The following ZFYVE28 variants were observed in gnomAD, a reference collection of about 807,000 sequenced individuals.
ZFYVE28 encodes lateral signaling target protein 2 homolog.
A neutral mutation model predicts 82.1 loss-of-function variants in ZFYVE28; 40 were observed. That is an observed-to-expected ratio of 0.49 (90% CI 0.38 to 0.63). The LOEUF is 0.63. Among genes scored for constraint, ZFYVE28 ranks in the 30% least tolerant of loss-of-function variants. The pLI, the probability that ZFYVE28 is intolerant of heterozygous loss-of-function variation, is 0.00. For synonymous variants in ZFYVE28, 612 were observed against 546.1 expected (o/e 1.12, Z -1.68); for missense variants, 1,321 against 1,242.1 (o/e 1.06, Z -0.96).
chr4:2,408,572 G>T lies in ZFYVE28; in HGVS notation c.39+9713C>A, dbSNP rs117439397. The stretch of plus-strand genomic sequence containing the variant: ...GCTGACCCTTCCCAACTGAAGCTCC[G>T]CCCAGTTGGGCCCCGCCCAGGTAAG... On this transcript the variant is annotated intron_variant, in intron 1 of 12. Coordinates refer to ENST00000290974, the MANE Select transcript of ZFYVE28 (RefSeq NM_020972.3). The surrounding 1 kb of genome is among the most constrained non-coding windows in gnomAD (Gnocchi z 4.3). Among the ~76,000 whole-genome samples the T allele has an allele frequency of 6.6e-6, 1 of 152,162 alleles. No individual in the cohort carries two copies. Among genetic ancestry groups the T allele is most frequent in the Non-Finnish European group, 1.5e-5 (1 of 68,012 alleles).
chr4:2,408,721 A>G lies in ZFYVE28; in HGVS notation c.39+9564T>C, dbSNP rs1346810318. ...GCCTAGATGATGAAGCCCCGCCCAG[A>G]TGCCACCCCGCCCAGATGCAGCCCT... On this transcript the variant is annotated intron_variant, in intron 1 of 12. Transcript: ENST00000290974. The surrounding 1 kb of genome is among the most constrained non-coding windows in gnomAD (Gnocchi z 4.3). 6.6e-6 allele frequency among the ~76,000 whole-genome samples: 1 copy of G among 151,844 alleles called. No homozygotes were observed. The highest frequency in any genetic ancestry group is 1.5e-5 in the Non-Finnish European group (1 of 67,946).
chr4:2,368,038 C>G (rs1192894485), intron 1 of ZFYVE28, among the ~76,000 whole-genome samples: 1 of 151,998 alleles, frequency 6.6e-6, no homozygotes, highest in Non-Finnish European at 1.5e-5. Context: ...GCAATCATTG[C>G]TTTCTGAAAC....
chr4:2,356,948 G>A (rs1215183218), intron 1 of ZFYVE28, among the ~76,000 whole-genome samples: 1 of 152,112 alleles, frequency 6.6e-6, no homozygotes, highest in Non-Finnish European at 1.5e-5. Context: ...TGCTGCCCAG[G>A]CTGGTGTGAT....
intron 1 of ZFYVE28, among the ~76,000 whole-genome samples, chr4:2,413,925 G>A (rs192639005): frequency 1.4e-3 from 208 of 152,254 alleles, no homozygotes; most frequent in African/African-American, 5.0e-3. Flanking sequence ...TATACTTCTG[G>A]GGGATCTCTG....
intron 4 of ZFYVE28, among the ~76,000 whole-genome samples, chr4:2,338,373 T>C (rs1722195886): frequency 6.6e-6 from 1 of 152,202 alleles, no homozygotes; most frequent in African/African-American, 2.4e-5. Flanking sequence ...AGCAGATCAC[T>C]TGAGGTCAGG....
intron 1 of ZFYVE28, among the ~76,000 whole-genome samples, chr4:2,396,975 G>A (rs938039117): frequency 1.3e-5 from 2 of 152,178 alleles, no homozygotes; most frequent in Admixed American, 6.5e-5. Context: ...GAGAACAGCC[G>A]GGTGGGGCAG....
intron 1 of ZFYVE28, among the ~76,000 whole-genome samples, chr4:2,407,061 G>A (rs1297022913): frequency 1.3e-5 from 2 of 152,044 alleles, no homozygotes; most frequent in Non-Finnish European, 2.9e-5. Flanking sequence ...GAGCACGGAT[G>A]CTCACGCTCC....
At chr4:2,400,041 G>T (rs1731007038) in intron 1 of ZFYVE28, among the ~76,000 whole-genome samples, 1 of 152,340 alleles carries the variant, frequency 6.6e-6, no homozygotes, top group South Asian at 2.1e-4. Context: ...CGCTTCAGAT[G>T]CTGCCTCTCC....
At chr4:2,308,832 A>C (rs1717094756) in intron 7 of ZFYVE28, among the ~76,000 whole-genome samples, 1 of 152,180 alleles carries the variant, frequency 6.6e-6, no homozygotes, top group African/African-American at 2.4e-5. Context: ...TTGAACTCAT[A>C]GATTAATTTG....
At chr4:2,309,308 C>T (rs770794481) in intron 7 of ZFYVE28, among the ~76,000 whole-genome samples, 1 of 152,188 alleles carries the variant, frequency 6.6e-6, no homozygotes, top group Non-Finnish European at 1.5e-5. Context: ...GCCACTTGAT[C>T]TTGGACCTCC....
chr4:2,364,880 C>T, intron 1 of ZFYVE28: 1 of 985,522 alleles, frequency 1.0e-6, no homozygotes, highest in African/African-American at 1.7e-5. Context: ...GCGAGAGTAC[C>T]GTGGACCCCG....
chr4:2,399,129 C>G (rs61193539), intron 1 of ZFYVE28, among the ~76,000 whole-genome samples: 81 of 5,032 alleles, frequency 0.016, no homozygotes, highest in African/African-American at 0.044. Flanking sequence ...AGGGCACAAG[C>G]TGGGTGGTGA....
chr4:2,355,241 TA>T (rs1725102441), intron 1 of ZFYVE28, among the ~76,000 whole-genome samples: 1 of 25,610 alleles, frequency 3.9e-5, no homozygotes, highest in Admixed American at 3.8e-4. Flanking sequence ...TATATATATA[TA>T]TATATATATA....
intron 8 of ZFYVE28, among the ~76,000 whole-genome samples, chr4:2,298,936 A>G (rs1715069329): frequency 6.6e-6 from 1 of 152,180 alleles, no homozygotes; most frequent in African/African-American, 2.4e-5. Flanking sequence ...CAGAGATGAG[A>G]AGAACATTCC....
Position 2,364,766 on chromosome 4 carries a change from C to T in ZFYVE28, c.40-10693G>A, listed in dbSNP as rs562943580. The T allele has an allele frequency of 1.5e-4, 148 of 985,534 alleles. 1 individual carries two copies. In the Admixed American group the frequency reaches 9.0e-3, roughly 60 times the overall value. The allele number at this position is 985,534 out of a possible 1,614,324, so 61.0% of individuals were successfully genotyped here. A position where few individuals can be genotyped will look rare whatever the true frequency, so the allele number is the denominator to read the frequency against. ...ATAACGTTGTGCATTCCCGCCGCCG[C>T]GCCCTCGTCAAGGCGCCCACGGCCT... On this transcript the variant is annotated intron_variant, in intron 1 of 12. Coordinates refer to ENST00000290974, the MANE Select transcript of ZFYVE28 (RefSeq NM_020972.3).
At chr4:2,371,531 G>A (rs908468533) in intron 1 of ZFYVE28, among the ~76,000 whole-genome samples, 7 of 152,290 alleles carry the variant, frequency 4.6e-5, no homozygotes, top group Non-Finnish European at 4.4e-5. Flanking sequence ...AAATATTGAC[G>A]ATGTTCCAGA....
chr4:2,399,666 C>T (rs1325676147), intron 1 of ZFYVE28, among the ~76,000 whole-genome samples: 1 of 152,256 alleles, frequency 6.6e-6, no homozygotes, highest in Non-Finnish European at 1.5e-5. Flanking sequence ...TTCCGTTGCA[C>T]CAGGTGGCCT....
chr4:2,274,933 A>T (rs1736266634), intron 8 of ZFYVE28, among the ~76,000 whole-genome samples: 1 of 136,708 alleles, frequency 7.3e-6, no homozygotes, highest in African/African-American at 3.6e-5. Context: ...CAGAGTTTGC[A>T]CTTCGGGCCT....
intron 1 of ZFYVE28, among the ~76,000 whole-genome samples, chr4:2,399,425 T>C (rs973129520): frequency 3.3e-5 from 5 of 149,936 alleles, no homozygotes; most frequent in Admixed American, 6.6e-5. Context: ...ATGCCAGCAT[T>C]CCCCTACCAC....
Sources: allele counts gnomAD v4.1 joint callset (sites outside exome capture counted in the v4.1 genomes callset), GRCh38; gene constraint gnomAD v4.1.1; non-coding constraint Gnocchi (gnomAD v3.1); transcripts MANE v1.5; gene names NCBI Gene and HGNC (gene_info 2026-07-23, HGNC 2026-07-21).